ERC1: variants seen among roughly 807,000 people sequenced by gnomAD.
ERC1 encodes the protein RAB6 interacting protein 2.
A neutral mutation model predicts 132.0 loss-of-function variants in ERC1; 56 were observed. The observed-to-expected ratio is 0.42, with a 90% CI of 0.34 to 0.53. The LOEUF is 0.53. Among genes scored for constraint, ERC1 ranks in the 20% least tolerant of loss-of-function variants. The probability of loss-of-function intolerance (pLI) is 0.03; values close to 1 mark genes in which losing one functional copy is unlikely to be tolerated. For missense variants in ERC1, 1,202 were observed against 1,349.9 expected (o/e 0.89, Z 1.72); for synonymous variants, 478 against 476.1 (o/e 1.00, Z -0.05).
At chr12:1,178,164 T>C (rs1304623654) in intron 8 of ERC1, among the ~76,000 whole-genome samples, 1 of 152,220 alleles carries the variant, frequency 6.6e-6, no homozygotes, top group African/African-American at 2.4e-5. Context: ...TTTTTTGTTC[T>C]GCCTGTCGAG....
chr12:1,257,585 G>A (rs1394518969), intron 13 of ERC1, among the ~76,000 whole-genome samples: 5 of 151,996 alleles, frequency 3.3e-5, no homozygotes, highest in Non-Finnish European at 7.4e-5. Context: ...TCAGGGTTGG[G>A]TAACATTGGA....
rs369708549 is a variant in ERC1, at chr12:1,416,442, G to A, written c.3024+8195G>A. Among the ~76,000 whole-genome samples, 1,325 of 152,314 alleles carry A rather than the reference G, an allele frequency of 8.7e-3. 12 individuals carry two copies. Among genetic ancestry groups the A allele is most frequent in the South Asian group, 0.034 (164 of 4,824 alleles). On this transcript the variant is annotated intron_variant, in intron 17 of 18. Coordinates refer to ENST00000360905, the MANE Select transcript of ERC1 (RefSeq NM_178040.4). ...GGGGCTGGTGAGGAAACCAGCCCAAGTGAAACAGAGGGTGTCTGTCCTTCC... is the reference window on the plus strand; with the variant it reads ...GGGGCTGGTGAGGAAACCAGCCCAAATGAAACAGAGGGTGTCTGTCCTTCC...
chr12:1,379,703 A>G (rs1365038848), intron 16 of ERC1, among the ~76,000 whole-genome samples: 1 of 152,020 alleles, frequency 6.6e-6, no homozygotes, highest in Non-Finnish European at 1.5e-5. Flanking sequence ...CTGTAGGGTT[A>G]CTTAGGACAC....
chr12:1,157,159 G>A (rs2154258751), intron 8 of ERC1, among the ~76,000 whole-genome samples: 1 of 152,202 alleles, frequency 6.6e-6, no homozygotes, highest in African/African-American at 2.4e-5. Context: ...CTGGAGTGCA[G>A]TGTCTCAGTC....
At chr12:1,161,594 C>T (rs1160439155) in intron 8 of ERC1, among the ~76,000 whole-genome samples, 3 of 152,126 alleles carry the variant, frequency 2.0e-5, no homozygotes, top group Non-Finnish European at 4.4e-5. Flanking sequence ...ATTTAGGAAG[C>T]AGTTGAGTTG....
At chr12:1,180,431 C>A in intron 8 of ERC1, 109 bp from the exon 9 acceptor site, 2 of 947,568 alleles carry the variant, frequency 2.1e-6, no homozygotes, top group Non-Finnish European at 3.1e-6. Flanking sequence ...AGAATGCACA[C>A]ACACAGACAA....
At chr12:1,315,309 G>T (rs193170404) in intron 15 of ERC1, among the ~76,000 whole-genome samples, 1 of 152,036 alleles carries the variant, frequency 6.6e-6, no homozygotes, top group East Asian at 1.9e-4. Context: ...GAGCCACTGC[G>T]CCCAGCCCAT....
chr12:1,113,713 T>C (rs1489320159), intron 6 of ERC1, among the ~76,000 whole-genome samples: 1 of 152,258 alleles, frequency 6.6e-6, no homozygotes, highest in African/African-American at 2.4e-5. Flanking sequence ...AACTTCCTTT[T>C]TAAAATAGCT....
At chr12:1,395,399 ATT>A (rs1365624077) in intron 16 of ERC1, among the ~76,000 whole-genome samples, 1 of 127,488 alleles carries the variant, frequency 7.8e-6, no homozygotes, top group East Asian at 2.0e-4. Flanking sequence ...TGGAATAGAA[ATT>A]TTGTAGTTTT....
chr12:1,159,286 G>T (rs186237613), intron 8 of ERC1, among the ~76,000 whole-genome samples: 4 of 152,108 alleles, frequency 2.6e-5, no homozygotes, highest in African/African-American at 9.7e-5. Flanking sequence ...ACTGTCCCAC[G>T]TCAGATCATC....
intron 1 of ERC1, among the ~76,000 whole-genome samples, chr12:1,003,951 C>CA (rs1962964429): frequency 6.6e-6 from 1 of 152,190 alleles, no homozygotes; most frequent in Non-Finnish European, 1.5e-5. Context: ...TTGTATTCTA[C>CA]AGCGCTGTTC....
chr12:1,196,272 G>A (rs1447118630), intron 12 of ERC1, among the ~76,000 whole-genome samples: 1 of 152,032 alleles, frequency 6.6e-6, no homozygotes, highest in African/African-American at 2.4e-5. Context: ...CCACCCAAAT[G>A]CCTGGAACAG....
chr12:1,254,537 A>G lies in ERC1; in HGVS notation c.2488-8497A>G, dbSNP rs531885042. ...TTATTTTATATATTTTTTTGAGCCAAAGTCTTACTCCCTCTCCCAGGCTGG... is the reference window on the plus strand; with the variant it reads ...TTATTTTATATATTTTTTTGAGCCAGAGTCTTACTCCCTCTCCCAGGCTGG... On this transcript the variant is annotated intron_variant, in intron 13 of 18. Coordinates refer to ENST00000360905, the MANE Select transcript of ERC1 (RefSeq NM_178040.4). 6.0e-4 allele frequency among the ~76,000 whole-genome samples: 91 copies of G among 151,834 alleles called. 1 individual carries two copies. The highest frequency in any genetic ancestry group is 2.1e-3 in the African/African-American group (87 of 41,402).
At position 1,262,235 on chromosome 12, in the gene ERC1, G is replaced by C. The variant is rs985713708; in HGVS notation, c.2488-799G>C. 2.0e-5 allele frequency among the ~76,000 whole-genome samples: 3 copies of C among 152,216 alleles called. No homozygotes were observed. In the South Asian group the frequency reaches 6.2e-4, roughly 32 times the overall value. ...TGCCTATAATAACCTGATGACTGCA[G>C]TTCTCCATCCCACTTGAACTCTTCT... On this transcript the variant is annotated intron_variant, in intron 13 of 18. Transcript: ENST00000360905.
At chr12:1,288,791 C>G (rs1401847826) in intron 14 of ERC1, among the ~76,000 whole-genome samples, 4 of 152,118 alleles carry the variant, frequency 2.6e-5, no homozygotes, top group Non-Finnish European at 4.4e-5. Context: ...CAATTAACAA[C>G]CTAACATAAA....
intron 18 of ERC1, among the ~76,000 whole-genome samples, chr12:1,487,872 C>T (rs1357455397): frequency 6.6e-6 from 1 of 152,054 alleles, no homozygotes; most frequent in Non-Finnish European, 1.5e-5. Context: ...GGCGCGGTGA[C>T]TCAGGCCTGT....
At chr12:1,270,164 C>T (rs1405263768) in intron 14 of ERC1, among the ~76,000 whole-genome samples, 1 of 152,180 alleles carries the variant, frequency 6.6e-6, no homozygotes, top group African/African-American at 2.4e-5. Flanking sequence ...TTAGTGCTTA[C>T]ATCTATAGAA....
At chr12:1,147,768 T>C (rs1223164787) in intron 8 of ERC1, among the ~76,000 whole-genome samples, 3 of 152,184 alleles carry the variant, frequency 2.0e-5, no homozygotes, top group Non-Finnish European at 4.4e-5. Context: ...TTTCATACAG[T>C]GCAAGTTTCT....
At chr12:1,005,978 G>A (rs1444394193) in intron 1 of ERC1, among the ~76,000 whole-genome samples, 1 of 141,838 alleles carries the variant, frequency 7.1e-6, no homozygotes, top group African/African-American at 2.7e-5. Context: ...TTTTTTTTGA[G>A]ACAGAGTCTC....
Sources: allele counts gnomAD v4.1 joint callset (sites outside exome capture counted in the v4.1 genomes callset), GRCh38; gene constraint gnomAD v4.1.1; transcripts MANE v1.5; gene names NCBI Gene and HGNC (gene_info 2026-07-23, HGNC 2026-07-21).